Variants in RXRA observed in about 807,000 individuals in gnomAD.
RXRA encodes retinoic acid receptor RXR-alpha.
In RXRA, 5 loss-of-function variants were observed where a neutral mutation model predicts 44.5. The observed-to-expected ratio is 0.11, with a 90% CI of 0.06 to 0.24. RXRA has a LOEUF of 0.24. RXRA is among the 10% of genes least tolerant of loss of function. The pLI, the probability that RXRA is intolerant of heterozygous loss-of-function variation, is 1.00. For missense variants in RXRA, 412 were observed against 646.5 expected (o/e 0.64, Z 3.93); for synonymous variants, 291 against 271.4 (o/e 1.07, Z -0.71).
Position 134,438,555 on chromosome 9 carries a change from A to T in RXRA, c.*1941A>T, listed in dbSNP as rs564969594. 6.6e-6 allele frequency: 1 copy of T among 152,492 alleles called. No individual in the cohort carries two copies. The highest frequency in any genetic ancestry group is 2.4e-5 in the African/African-American group (1 of 41,542). The allele number at this position is 152,492 out of a possible 1,614,324, so 9.4% of individuals were successfully genotyped here. Reference sequence around the variant, plus strand: ...CCTGAGGCAGAGTGTTGAGCCTCATACCTGTACCAGGTCCCCGGCCAGCTG... The same window carrying T: ...CCTGAGGCAGAGTGTTGAGCCTCATTCCTGTACCAGGTCCCCGGCCAGCTG... On this transcript the variant is annotated 3_prime_UTR_variant, in exon 10 of 10. Transcript: ENST00000481739.
intron 1 of RXRA, among the ~76,000 whole-genome samples, chr9:134,391,769 C>T (rs918118645): frequency 1.3e-5 from 2 of 152,126 alleles, no homozygotes; most frequent in East Asian, 3.9e-4. Flanking sequence ...CCCTGGTGGT[C>T]GAGGGGTGGC....
At position 134,417,666 on chromosome 9, in the gene RXRA, G is replaced by C. The variant is rs1329447820; in HGVS notation, c.780+339G>C. Among the ~76,000 whole-genome samples, 2 of 152,146 alleles carry C rather than the reference G, an allele frequency of 1.3e-5. No homozygotes were observed. The highest frequency in any genetic ancestry group is 2.9e-5 in the Non-Finnish European group (2 of 68,006). On this transcript the variant is annotated intron_variant, in intron 5 of 9. Transcript: ENST00000481739. The surrounding 1 kb of genome is among the most constrained non-coding windows in gnomAD (Gnocchi z 6.1). ...TCCCCTCGGAGTTTGGCCTGTCTCG[G>C]TGCAGAGGCTGTCCCTGCTCCCCGG...
At chr9:134,411,715 G>A (rs34078729) in intron 4 of RXRA, among the ~76,000 whole-genome samples, 34 of 152,364 alleles carry the variant, frequency 2.2e-4, no homozygotes, top group African/African-American at 7.9e-4. Flanking sequence ...GAGCGCTCTC[G>A]CCCCAAACAC....
At chr9:134,382,133 C>T (rs73554164) in intron 1 of RXRA, among the ~76,000 whole-genome samples, 3 of 142,982 alleles carry the variant, frequency 2.1e-5, no homozygotes, top group African/African-American at 5.0e-5. Context: ...TGTGGGGGGG[C>T]GCAGGGCAGT....
At chr9:134,329,359 CGCTGCCCG>C (rs1564256098) in intron 1 of RXRA, among the ~76,000 whole-genome samples, 1 of 152,240 alleles carries the variant, frequency 6.6e-6, no homozygotes, top group African/African-American at 2.4e-5. Context: ...TTAGCGCGGG[CGCTGCCCG>C]ACGGCAGGGT....
At chr9:134,419,320 G>GA (rs1305998038) in intron 5 of RXRA, among the ~76,000 whole-genome samples, 1 of 152,224 alleles carries the variant, frequency 6.6e-6, no homozygotes, top group Non-Finnish European at 1.5e-5. Flanking sequence ...ATTTGGGGGG[G>GA]AATCTGCCAT....
chr9:134,338,247 C>T (rs1830036538), intron 1 of RXRA, among the ~76,000 whole-genome samples: 1 of 152,254 alleles, frequency 6.6e-6, no homozygotes, highest in Non-Finnish European at 1.5e-5. Context: ...GTGTGTGGGG[C>T]ACGGCCATCG....
At chr9:134,360,070 C>G (rs1830330357) in intron 1 of RXRA, among the ~76,000 whole-genome samples, 1 of 152,190 alleles carries the variant, frequency 6.6e-6, no homozygotes, top group African/African-American at 2.4e-5. Flanking sequence ...AGTGGGCCCA[C>G]CCGGCACAGA....
At position 134,326,518 on chromosome 9, in the gene RXRA, C is replaced by A; in HGVS notation, c.-114C>A. 1 of 146,468 alleles carries A rather than the reference C, an allele frequency of 6.8e-6. No homozygotes were observed. Among genetic ancestry groups the A allele is most frequent in the South Asian group, 2.1e-4 (1 of 4,762 alleles). The allele number at this position is 146,468 out of a possible 1,614,324, so 9.1% of individuals were successfully genotyped here. On this transcript the variant is annotated 5_prime_UTR_variant, in exon 1 of 10. Coordinates refer to ENST00000481739, the MANE Select transcript of RXRA (RefSeq NM_002957.6). Reference sequence around the variant, plus strand: ...CGCCGCGGCCTCCGCGCGCCGCCGCCGCCACCGCAGCCGCCGGCTCCCCGC... The same window carrying A: ...CGCCGCGGCCTCCGCGCGCCGCCGCAGCCACCGCAGCCGCCGGCTCCCCGC...
intron 6 of RXRA, chr9:134,423,574 CG>C: frequency 3.0e-6 from 3 of 985,320 alleles, no homozygotes; most frequent in Non-Finnish European, 3.6e-6. Context: ...TACTGGGCCC[CG>C]CCGGAGGAGC....
intron 5 of RXRA, 126 bp from the exon 6 acceptor site, chr9:134,421,550 C>A: frequency 9.1e-7 from 1 of 1,101,736 alleles, no homozygotes; most frequent in Non-Finnish European, 1.3e-6. Context: ...GGGGCCTGGG[C>A]ATCTTTGGGG....
chr9:134,333,280 C>G (rs768705266), intron 1 of RXRA, among the ~76,000 whole-genome samples: 3 of 152,190 alleles, frequency 2.0e-5, no homozygotes, highest in Non-Finnish European at 4.4e-5. Context: ...AGCTCCTCTT[C>G]CAGGCACTGC....
At chr9:134,422,774 G>A (rs1831369779) in intron 6 of RXRA, 2 of 985,352 alleles carry the variant, frequency 2.0e-6, no homozygotes, top group Non-Finnish European at 2.4e-6. Flanking sequence ...ATAAGGAGGT[G>A]TACCATGCGG....
At chr9:134,372,705 G>C (rs1478777573) in intron 1 of RXRA, among the ~76,000 whole-genome samples, 1 of 152,208 alleles carries the variant, frequency 6.6e-6, no homozygotes, top group Non-Finnish European at 1.5e-5. Context: ...GTGCTGGACT[G>C]TGAGACCCTG....
At position 134,342,629 on chromosome 9, in the gene RXRA, T is replaced by C. The variant is rs1830099622; in HGVS notation, c.28+15970T>C. On this transcript the variant is annotated intron_variant, in intron 1 of 9. Transcript: ENST00000481739. This position sits in a 1 kb window ranked among gnomAD's most constrained non-coding sequence, Gnocchi z 4.4. The stretch of plus-strand genomic sequence containing the variant: ...AGCTGCTGTGAGCCCAGGCAGGTGG[T>C]GGGGCTGCGGGGCTGCGGGAGGAGG... Among the ~76,000 whole-genome samples, 1 of 151,970 alleles carries C rather than the reference T, an allele frequency of 6.6e-6. No homozygotes were observed. Among genetic ancestry groups the C allele is most frequent in the Non-Finnish European group, 1.5e-5 (1 of 67,968 alleles).
At chr9:134,334,833 G>T (rs552157155) in intron 1 of RXRA, among the ~76,000 whole-genome samples, 2 of 152,218 alleles carry the variant, frequency 1.3e-5, no homozygotes, top group Non-Finnish European at 2.9e-5. Flanking sequence ...GGTTGCTGGC[G>T]TCCAGGAAGC....
intron 1 of RXRA, among the ~76,000 whole-genome samples, chr9:134,337,148 G>A (rs1368587758): frequency 2.0e-5 from 3 of 152,198 alleles, no homozygotes; most frequent in African/African-American, 7.2e-5. Flanking sequence ...TTCCCAGATC[G>A]AGAGAGGGAG....
intron 1 of RXRA, among the ~76,000 whole-genome samples, chr9:134,375,870 A>G (rs950198408): frequency 2.6e-5 from 4 of 152,088 alleles, no homozygotes; most frequent in Non-Finnish European, 5.9e-5. Flanking sequence ...CAAACAAACA[A>G]CAAACACCAC....
At chr9:134,410,478 G>GCCCAGCCTGGAGAGGTGTGTA (rs1468846916) in intron 4 of RXRA, among the ~76,000 whole-genome samples, 1 of 152,114 alleles carries the variant, frequency 6.6e-6, no homozygotes, top group Non-Finnish European at 1.5e-5. Context: ...AGAGGTGTGT[G>GCCCAGCCTGGAGAGGTGTGTA]CCCAGCCTGG....
Sources: allele counts gnomAD v4.1 joint callset (sites outside exome capture counted in the v4.1 genomes callset), GRCh38; gene constraint gnomAD v4.1.1; non-coding constraint Gnocchi (gnomAD v3.1); transcripts MANE v1.5; gene names NCBI Gene and HGNC (gene_info 2026-07-23, HGNC 2026-07-21).